Variants in AKAP6 observed in about 807,000 individuals in gnomAD.
AKAP6 encodes A-kinase anchoring protein 6.
Under a neutral mutation model 188.5 loss-of-function variants are expected in AKAP6, and 58 were observed. That is an observed-to-expected ratio of 0.31 (90% CI 0.25 to 0.38). The LOEUF is 0.38. Among genes scored for constraint, AKAP6 ranks in the 10% least tolerant of loss-of-function variants. AKAP6 has a pLI of 1.00. For synonymous variants in AKAP6, 989 were observed against 998.6 expected (o/e 0.99, Z 0.18); for missense variants, 2,710 against 2,740.0 (o/e 0.99, Z 0.24).
chr14:32,440,467 C>A lies in AKAP6; in HGVS notation c.324+6650C>A, dbSNP rs747067683. Among the ~76,000 whole-genome samples, 6 of 151,764 alleles carry A rather than the reference C, an allele frequency of 4.0e-5. No individual in the cohort carries two copies. The South Asian group carries it at 6.2e-4, about 16-fold the overall frequency. On this transcript the variant is annotated intron_variant, in intron 2 of 13. Coordinates refer to ENST00000280979, the MANE Select transcript of AKAP6 (RefSeq NM_004274.5). The stretch of plus-strand genomic sequence containing the variant: ...CACATTGTGCACATGTACCCTAGAA[C>A]TTAAAGTATTAAAAAAAAAAACTTG...
chr14:32,828,552 C>A (rs1566743723), intron 13 of AKAP6, among the ~76,000 whole-genome samples: 1 of 151,676 alleles, frequency 6.6e-6, no homozygotes, highest in Non-Finnish European at 1.5e-5. Flanking sequence ...CACACACACA[C>A]ACACACACAC....
intron 8 of AKAP6, among the ~76,000 whole-genome samples, chr14:32,686,274 T>G (rs145317150): frequency 1.3e-4 from 20 of 152,190 alleles, no homozygotes; most frequent in African/African-American, 4.6e-4. Flanking sequence ...AGAAGGACAG[T>G]TACTAGAGAC....
intron 2 of AKAP6, among the ~76,000 whole-genome samples, chr14:32,500,560 G>GC (rs1880560196): frequency 1.3e-5 from 2 of 152,088 alleles, no homozygotes; most frequent in African/African-American, 4.8e-5. Context: ...TGTTCATGCA[G>GC]CATATCTACC....
At chr14:32,462,073 G>A (rs1240833831) in intron 2 of AKAP6, among the ~76,000 whole-genome samples, 1 of 152,148 alleles carries the variant, frequency 6.6e-6, no homozygotes, top group African/African-American at 2.4e-5. Context: ...AGAAATATGG[G>A]ACTATGTGAA....
At chr14:32,437,190 A>G (rs779879144) in intron 2 of AKAP6, among the ~76,000 whole-genome samples, 24 of 152,062 alleles carry the variant, frequency 1.6e-4, no homozygotes, top group Admixed American at 3.9e-4. Context: ...CAGATTCTGG[A>G]TCCTCACCAA....
At chr14:32,518,116 G>C (rs1881618544) in intron 2 of AKAP6, among the ~76,000 whole-genome samples, 1 of 152,084 alleles carries the variant, frequency 6.6e-6, no homozygotes, top group African/African-American at 2.4e-5. Context: ...AACTCCAAAA[G>C]ACTTGCAGAG....
intron 4 of AKAP6, among the ~76,000 whole-genome samples, chr14:32,561,131 T>C (rs1286962104): frequency 6.6e-6 from 1 of 152,196 alleles, no homozygotes; most frequent in Non-Finnish European, 1.5e-5. Context: ...GTATAAGTCT[T>C]CTAGTCTTCA....
intron 4 of AKAP6, among the ~76,000 whole-genome samples, chr14:32,561,180 G>C (rs1883941301): frequency 6.6e-6 from 1 of 152,048 alleles, no homozygotes; most frequent in African/African-American, 2.4e-5. Flanking sequence ...CCTTTGCTCA[G>C]ATTATTGTAT....
intron 2 of AKAP6, among the ~76,000 whole-genome samples, chr14:32,520,735 A>G (rs895470810): frequency 6.6e-6 from 1 of 152,170 alleles, no homozygotes; most frequent in Non-Finnish European, 1.5e-5. Flanking sequence ...CTAGGACCAG[A>G]CGCGTTCATA....
intron 2 of AKAP6, among the ~76,000 whole-genome samples, chr14:32,493,155 C>T (rs1027129692): frequency 5.3e-5 from 8 of 151,874 alleles, no homozygotes; most frequent in Non-Finnish European, 1.2e-4. Context: ...CTGGAGCAAA[C>T]CTGGCTTAAG....
intron 4 of AKAP6, among the ~76,000 whole-genome samples, chr14:32,551,804 T>G (rs902337713): frequency 7.3e-5 from 11 of 150,134 alleles, no homozygotes; most frequent in Non-Finnish European, 1.5e-5. Context: ...GGACTACAGG[T>G]GCCTGCCACC....
At chr14:32,756,372 G>A (rs930785833) in intron 11 of AKAP6, among the ~76,000 whole-genome samples, 6 of 152,120 alleles carry the variant, frequency 3.9e-5, no homozygotes, top group African/African-American at 1.4e-4. Flanking sequence ...CCTGGCTTCT[G>A]GAGCTGTACT....
chr14:32,513,948 TC>T (rs1291170903), intron 2 of AKAP6, among the ~76,000 whole-genome samples: 1 of 152,252 alleles, frequency 6.6e-6, no homozygotes, highest in Non-Finnish European at 1.5e-5. Context: ...GCATTTTTTT[TC>T]ATTATGTGGA....
In AKAP6 at chr14:32,837,395, AAG is replaced by A. The variant is rs1385555201; in HGVS notation, c.*7591_*7592del. 6.6e-5 allele frequency: 10 copies of A among 152,244 alleles called. No individual in the cohort carries two copies. Among genetic ancestry groups the A allele is most frequent in the Admixed American group, 6.5e-4 (10 of 15,286 alleles). 9.4% of individuals were successfully genotyped at this position (152,244 alleles called of 1,614,324 possible). ...AAATATTATTCAGTGAAATTTATTC[AAG>A]GACTTAAAATGATTGAAGGCATTAG... On this transcript the variant is annotated 3_prime_UTR_variant, in exon 14 of 14. Transcript: ENST00000280979.
intron 8 of AKAP6, among the ~76,000 whole-genome samples, chr14:32,679,707 T>A (rs766697449): frequency 3.9e-5 from 6 of 152,168 alleles, no homozygotes; most frequent in Non-Finnish European, 7.4e-5. Flanking sequence ...TAATTCTGTT[T>A]AGGAAATGAA....
At chr14:32,346,164 C>T (rs781600331) in intron 1 of AKAP6, among the ~76,000 whole-genome samples, 74 of 152,184 alleles carry the variant, frequency 4.9e-4, no homozygotes, top group African/African-American at 1.7e-3. Context: ...CCAGAAATAA[C>T]AGCTCTTCCT....
At chr14:32,519,343 A>C (rs531331035) in intron 2 of AKAP6, among the ~76,000 whole-genome samples, 1 of 151,786 alleles carries the variant, frequency 6.6e-6, no homozygotes, top group Non-Finnish European at 1.5e-5. Context: ...CACACATAAC[A>C]ATATTAACCG....
chr14:32,764,695 TACAC>T (rs34290753), intron 11 of AKAP6, among the ~76,000 whole-genome samples: 5 of 148,358 alleles, frequency 3.4e-5, no homozygotes, highest in Non-Finnish European at 7.5e-5. Flanking sequence ...ATGACAATAA[TACAC>T]ACACACACAC....
intron 1 of AKAP6, among the ~76,000 whole-genome samples, chr14:32,330,769 A>G (rs115104258): frequency 8.8e-6 from 1 of 114,000 alleles, no homozygotes; most frequent in African/African-American, 3.6e-5. Flanking sequence ...TGCTAGTCCC[A>G]TTAGGCACCA....
Sources: allele counts gnomAD v4.1 joint callset (sites outside exome capture counted in the v4.1 genomes callset), GRCh38; gene constraint gnomAD v4.1.1; transcripts MANE v1.5; gene names NCBI Gene and HGNC (gene_info 2026-07-23, HGNC 2026-07-21).